The following PPP3R1 variants were observed in gnomAD, a reference collection of about 807,000 sequenced individuals.
The protein encoded by PPP3R1 is calcineurin subunit B type 1.
A neutral mutation model predicts 22.6 loss-of-function variants in PPP3R1; 5 were observed. The observed-to-expected ratio is 0.22, with a 90% CI of 0.12 to 0.46. PPP3R1 has a LOEUF of 0.46. PPP3R1 is among the 20% of genes least tolerant of loss of function. PPP3R1 has a pLI of 0.99. For missense variants in PPP3R1, 61 were observed against 203.2 expected (o/e 0.30, Z 4.25); for synonymous variants, 56 against 65.2 (o/e 0.86, Z 0.68).
intron 2 of PPP3R1, among the ~76,000 whole-genome samples, chr2:68,189,584 C>T (rs773439498): frequency 2.0e-5 from 3 of 152,052 alleles, no homozygotes; most frequent in African/African-American, 4.8e-5. Flanking sequence ...TTAAATACAA[C>T]GGGCCAGGCG....
chr2:68,251,719 G>C (rs770991377), intron 1 of PPP3R1, among the ~76,000 whole-genome samples: 2 of 152,038 alleles, frequency 1.3e-5, no homozygotes, highest in African/African-American at 2.4e-5. Flanking sequence ...GAATACCCTC[G>C]AACTCGAAAA....
At chr2:68,230,446 G>GT (rs1290773575) in intron 1 of PPP3R1, among the ~76,000 whole-genome samples, 1 of 138,506 alleles carries the variant, frequency 7.2e-6, no homozygotes, top group Non-Finnish European at 1.6e-5. Flanking sequence ...AATCTCATTG[G>GT]TATCATCATT....
At chr2:68,238,160 T>C (rs563310639) in intron 1 of PPP3R1, among the ~76,000 whole-genome samples, 3 of 152,132 alleles carry the variant, frequency 2.0e-5, no homozygotes, top group South Asian at 2.1e-4. Context: ...CTTAGCTCCA[T>C]TGCACCTCTG....
intron 2 of PPP3R1, among the ~76,000 whole-genome samples, chr2:68,190,817 T>C (rs1674651655): frequency 6.6e-6 from 1 of 152,246 alleles, no homozygotes; most frequent in Non-Finnish European, 1.5e-5. Flanking sequence ...TACTGAATTT[T>C]AGAAAAGTAG....
intron 2 of PPP3R1, among the ~76,000 whole-genome samples, chr2:68,193,291 T>G (rs35636878): frequency 0.21 from 32,352 of 152,010 alleles, 3,672 homozygotes; most frequent in Non-Finnish European, 0.25. Flanking sequence ...ATACCCCATG[T>G]AGCTAAAACT....
rs544919779 is a variant in PPP3R1, at chr2:68,198,252, C to A, written c.44-9562G>T. Among the ~76,000 whole-genome samples, 4 of 144,076 alleles carry A rather than the reference C, an allele frequency of 2.8e-5. No individual in the cohort carries two copies. In the East Asian group the frequency reaches 8.1e-4, roughly 29 times the overall value. The allele number at this position is 144,076 out of a possible 152,430, so 94.5% of individuals were successfully genotyped here. On this transcript the variant is annotated intron_variant, in intron 2 of 5. Transcript: ENST00000234310. ...ATATATGTATACACATATGTACATA[C>A]ATATGTATACATACATATGTGTATG...
At position 68,228,829 on chromosome 2, in the gene PPP3R1, T is replaced by C. The variant is rs1046190310; in HGVS notation, c.4-11698A>G. Among the ~76,000 whole-genome samples, 8 of 152,074 alleles carry C rather than the reference T, an allele frequency of 5.3e-5. No homozygotes were observed. The East Asian group carries it at 1.5e-3, about 29-fold the overall frequency. On this transcript the variant is annotated intron_variant, in intron 1 of 5. Transcript: ENST00000234310. ...ACTGCTTTAGTTGTATCCCACAACTTTGGTATGTTGTATTCTTATTTTCAT... is the reference window on the plus strand; with the variant it reads ...ACTGCTTTAGTTGTATCCCACAACTCTGGTATGTTGTATTCTTATTTTCAT...
intron 1 of PPP3R1, among the ~76,000 whole-genome samples, chr2:68,218,021 G>A (rs1191044110): frequency 1.3e-5 from 2 of 152,038 alleles, no homozygotes; most frequent in Non-Finnish European, 2.9e-5. Context: ...CAGACTCAGA[G>A]GTAGAATCAT....
chr2:68,242,409 G>C (rs1440958660), intron 1 of PPP3R1, among the ~76,000 whole-genome samples: 2 of 149,554 alleles, frequency 1.3e-5, no homozygotes, highest in Admixed American at 6.7e-5. Flanking sequence ...CTGGACAACA[G>C]AGCAAGACTC....
chr2:68,179,271 C>T lies in PPP3R1; in HGVS notation c.*1692G>A, dbSNP rs1238234296. On this transcript the variant is annotated 3_prime_UTR_variant, in exon 6 of 6. Transcript: ENST00000234310. ...CCACTGATCCAGAGGAAGAAAGTTACATGTAGTGGAGATTTTCAGTCTGAA... is the reference window on the plus strand; with the variant it reads ...CCACTGATCCAGAGGAAGAAAGTTATATGTAGTGGAGATTTTCAGTCTGAA... The T allele has an allele frequency of 6.6e-6, 1 of 152,628 alleles. No homozygotes were observed. Among genetic ancestry groups the T allele is most frequent in the Non-Finnish European group, 1.5e-5 (1 of 68,032 alleles). 9.5% of individuals were successfully genotyped at this position (152,628 alleles called of 1,614,324 possible).
intron 2 of PPP3R1, among the ~76,000 whole-genome samples, chr2:68,193,306 T>C (rs1344899586): frequency 6.6e-6 from 1 of 152,134 alleles, no homozygotes; most frequent in African/African-American, 2.4e-5. Context: ...AAAACTGATC[T>C]TGAGCTAAGA....
intron 4 of PPP3R1, 38 bp downstream of exon 4, chr2:68,187,217 A>G (rs2103720210): frequency 6.9e-7 from 1 of 1,452,354 alleles, no homozygotes; most frequent in Non-Finnish European, 9.6e-7. Flanking sequence ...AAATGATGGT[A>G]GTATAAGAGA....
chr2:68,204,371 T>A (rs984875528), intron 2 of PPP3R1, among the ~76,000 whole-genome samples: 1 of 151,544 alleles, frequency 6.6e-6, no homozygotes, highest in African/African-American at 2.4e-5. Context: ...TATATCAGAA[T>A]ACCTATGTCT....
chr2:68,250,685 C>T (rs1670330350), intron 1 of PPP3R1, among the ~76,000 whole-genome samples: 2 of 152,204 alleles, frequency 1.3e-5, no homozygotes, highest in Non-Finnish European at 2.9e-5. Context: ...TGAGCTGCCT[C>T]GCAAGTTGGC....
intron 2 of PPP3R1, among the ~76,000 whole-genome samples, chr2:68,211,746 T>C (rs935904240): frequency 2.6e-5 from 4 of 152,242 alleles, no homozygotes; most frequent in Non-Finnish European, 5.9e-5. Context: ...TTTGTTGTCA[T>C]TTCAGTAATG....
At position 68,188,646 on chromosome 2, in the gene PPP3R1, G is replaced by T; in HGVS notation, c.88C>A (p.Leu30Ile). Residue 30 changes from leucine to isoleucine, a missense_variant, in exon 3 of 6, where the codon CTT (leucine) becomes ATT (isoleucine). Transcript: ENST00000234310. ...AAAGAACCAGAATTGTCCAAATCAAGCTTCTTAAATCTCTTTCCTAGCCTT... is the reference window on the plus strand; with the variant it reads ...AAAGAACCAGAATTGTCCAAATCAATCTTCTTAAATCTCTTTCCTAGCCTT... The part of the protein sequence containing the change: ...IKRLGKRFKK[L>I]DLDNSGSLSV... 1 of 1,612,614 alleles carries T rather than the reference G, an allele frequency of 6.2e-7. No homozygotes were observed.
At chr2:68,227,081 A>G (rs980810615) in intron 1 of PPP3R1, among the ~76,000 whole-genome samples, 5 of 152,074 alleles carry the variant, frequency 3.3e-5, no homozygotes, top group Non-Finnish European at 7.4e-5. Context: ...ATTCTCTGAA[A>G]TATTCAAAGC....
At chr2:68,197,206 C>T (rs1674799843) in intron 2 of PPP3R1, among the ~76,000 whole-genome samples, 1 of 152,158 alleles carries the variant, frequency 6.6e-6, no homozygotes, top group African/African-American at 2.4e-5. Context: ...TGCAGTCAAT[C>T]ACCCTTTTCT....
chr2:68,248,596 G>A (rs1456563047), intron 1 of PPP3R1, among the ~76,000 whole-genome samples: 1 of 152,094 alleles, frequency 6.6e-6, no homozygotes, highest in Non-Finnish European at 1.5e-5. Context: ...GTTGTTCCAG[G>A]GTGGGGCCTG....
Sources: gnomAD v4.1 joint callset for allele counts (sites outside exome capture counted in the v4.1 genomes callset) on GRCh38, gnomAD v4.1.1 for gene constraint, MANE v1.5 for transcripts, NCBI Gene and HGNC (gene_info 2026-07-23, HGNC 2026-07-21) for gene names.